The following TRPC3 variants were observed in gnomAD, a reference collection of about 807,000 sequenced individuals.
The protein encoded by TRPC3 is short transient receptor potential channel 3.
In TRPC3, 54 loss-of-function variants were observed where a neutral mutation model predicts 90.9. That is an observed-to-expected ratio of 0.59 (90% CI 0.48 to 0.75). The LOEUF is 0.75. Ranked by LOEUF, TRPC3 falls within the 30% of genes least tolerant of loss-of-function variation. TRPC3 has a pLI of 0.00. For missense variants in TRPC3, 918 were observed against 1,194.5 expected (o/e 0.77, Z 3.41); for synonymous variants, 424 against 450.9 (o/e 0.94, Z 0.75).
intron 6 of TRPC3, 151 bp from the exon 7 acceptor site, chr4:121,907,718 A>G (rs1728937310): frequency 1.2e-6 from 1 of 825,174 alleles, no homozygotes; most frequent in Non-Finnish European, 1.8e-6. Context: ...TCCAGGGACT[A>G]TTTTCATCTT....
Position 121,899,697 on chromosome 4 carries a change from T to C in TRPC3, c.2464-2A>G. On this transcript the variant is annotated splice_acceptor_variant, in intron 9 of 11. Coordinates refer to ENST00000379645, the MANE Select transcript of TRPC3 (RefSeq NM_001130698.2). LOFTEE classifies it high-confidence loss of function. Reference sequence around the variant, plus strand: ...GTTAGACTGAGTGAAGAGGTTTAACTAGGAAAAAATACAATTAACCTAGTA... The same window carrying C: ...GTTAGACTGAGTGAAGAGGTTTAACCAGGAAAAAATACAATTAACCTAGTA... The C allele has an allele frequency of 6.2e-7, 1 of 1,604,556 alleles. No homozygotes were observed. The highest frequency in any genetic ancestry group is 2.2e-5 in the East Asian group (1 of 44,708).
intron 11 of TRPC3, among the ~76,000 whole-genome samples, chr4:121,880,980 C>T (rs1727921795): frequency 6.6e-6 from 1 of 151,366 alleles, no homozygotes; most frequent in Admixed American, 6.6e-5. Context: ...AAAGTGCTTC[C>T]TTTGGCATAT....
rs1481783284 is a variant in TRPC3, at chr4:121,911,898, G to A, written c.1537C>T (p.Leu513=). Residue 513 remains leucine, a synonymous_variant, in exon 5 of 12, where the codon CTA becomes TTA. Coordinates refer to ENST00000379645, the MANE Select transcript of TRPC3 (RefSeq NM_001130698.2). The stretch of plus-strand genomic sequence containing the variant: ...TTACCAAGAACCCAGACCATAATTA[G>A]CATTTCAGTCCATGTAAACTGGGTG... ...KTTQFTWTEM[L]IMVWVLGMMW... 5 of 1,613,142 alleles carry A rather than the reference G, an allele frequency of 3.1e-6. No individual in the cohort carries two copies. Among genetic ancestry groups the A allele is most frequent in the Non-Finnish European group, 4.2e-6 (5 of 1,179,526 alleles).
intron 11 of TRPC3, 122 bp from the exon 12 acceptor site, chr4:121,880,000 A>G (rs1727887157): frequency 1.1e-6 from 1 of 892,130 alleles, no homozygotes; most frequent in Admixed American, 3.9e-5. Context: ...TAGCTACTTC[A>G]AAGTTTTTTC....
chr4:121,880,672 T>G (rs1254543589), intron 11 of TRPC3, among the ~76,000 whole-genome samples: 1 of 152,192 alleles, frequency 6.6e-6, no homozygotes, highest in Non-Finnish European at 1.5e-5. Context: ...AAACACTGGA[T>G]TCTCTTGCAA....
Position 121,902,916 on chromosome 4 carries a change from G to A in TRPC3, c.2399C>T (p.Pro800Leu). The stretch of plus-strand genomic sequence containing the variant: ...CTGAAGCCTTCTCCTTCTGCATTTG[G>A]GAAAGTTAACAATTCGCATGATGAA... ...VYFIMRIVNF[P>L]KCRRRRLQKD... Residue 800 changes from proline (P) to leucine (L), a missense_variant, in exon 9 of 12, where the codon CCC becomes CTC. Physicochemically the swap from Pro to Leu is moderately conservative, Grantham distance 98 (BLOSUM62 -3). Transcript: ENST00000379645. The A allele has an allele frequency of 6.2e-7, 1 of 1,613,224 alleles. No homozygotes were observed. The highest frequency in any genetic ancestry group is 1.1e-5 in the South Asian group (1 of 91,010).
At chr4:121,928,909 A>C (rs2149139304) in intron 2 of TRPC3, among the ~76,000 whole-genome samples, 1 of 152,342 alleles carries the variant, frequency 6.6e-6, no homozygotes, top group East Asian at 1.9e-4. Flanking sequence ...AAAAGAGGCA[A>C]GTTATCATAC....
intron 1 of TRPC3, among the ~76,000 whole-genome samples, chr4:121,934,009 A>T (rs1007011917): frequency 3.9e-5 from 6 of 152,214 alleles, no homozygotes; most frequent in Non-Finnish European, 8.8e-5. Context: ...AAATCACTAG[A>T]ATTACTTTGT....
chr4:121,921,384 TAG>T lies in TRPC3; in HGVS notation c.1176+3632_1176+3633del, dbSNP rs1252362905. 2.0e-3 allele frequency among the ~76,000 whole-genome samples: 298 copies of T among 150,026 alleles called. 2 individuals carry two copies. Among genetic ancestry groups the T allele is most frequent in the African/African-American group, 6.9e-3 (283 of 41,030 alleles). Reference sequence around the variant, plus strand: ...AAAAATACAAAAAATTAGCCGGGCGTAGTGGCGGGCGCCTGTAGTCCCAGCTA... The same window carrying T: ...AAAAATACAAAAAATTAGCCGGGCGTTGGCGGGCGCCTGTAGTCCCAGCTA... On this transcript the variant is annotated intron_variant, in intron 3 of 11. Coordinates refer to ENST00000379645, the MANE Select transcript of TRPC3 (RefSeq NM_001130698.2).
At chr4:121,904,881 T>C (rs1451057675) in intron 7 of TRPC3, among the ~76,000 whole-genome samples, 1 of 152,168 alleles carries the variant, frequency 6.6e-6, no homozygotes. Flanking sequence ...AGGTTTTCTG[T>C]AGTAGAACAG....
At chr4:121,917,406 A>G (rs1560704176) in intron 3 of TRPC3, among the ~76,000 whole-genome samples, 1 of 152,086 alleles carries the variant, frequency 6.6e-6, no homozygotes, top group Non-Finnish European at 1.5e-5. Flanking sequence ...CTCTCCCTCT[A>G]TGGTCCCTAA....
intron 5 of TRPC3, 72 bp from the exon 6 acceptor site, chr4:121,910,459 C>A: frequency 8.8e-7 from 1 of 1,130,150 alleles, no homozygotes; most frequent in African/African-American, 1.5e-5. Flanking sequence ...TTGTGTCCAC[C>A]ATCAGGTCAC....
chr4:121,908,161 C>T (rs992471525), intron 6 of TRPC3, among the ~76,000 whole-genome samples: 1 of 152,110 alleles, frequency 6.6e-6, no homozygotes, highest in Admixed American at 6.6e-5. Flanking sequence ...AGAATGAGGA[C>T]CCCTAACAAC....
At chr4:121,942,747 G>A (rs183937471) in intron 1 of TRPC3, among the ~76,000 whole-genome samples, 4 of 152,244 alleles carry the variant, frequency 2.6e-5, no homozygotes, top group Admixed American at 2.6e-4. Flanking sequence ...GTAGCTCTTT[G>A]CCAGATTCCT....
At position 121,894,454 on chromosome 4, in the gene TRPC3, A is replaced by C. The variant is rs185461063; in HGVS notation, c.2547+5158T>G. Among the ~76,000 whole-genome samples the C allele has an allele frequency of 1.4e-3, 215 of 152,200 alleles. 1 individual carries two copies. Among genetic ancestry groups the C allele is most frequent in the African/African-American group, 4.7e-3 (197 of 41,534 alleles). On this transcript the variant is annotated intron_variant, in intron 10 of 11. Transcript: ENST00000379645. ...AGCATTAGACAGATCATTCAGACAG[A>C]AAATCAACAAAAAACCATCAGATTT...
chr4:121,881,996 T>C (rs977640776), intron 11 of TRPC3, among the ~76,000 whole-genome samples: 2 of 152,152 alleles, frequency 1.3e-5, no homozygotes, highest in East Asian at 1.9e-4. Context: ...ACTGTTCTTT[T>C]ATCTGCTTAA....
rs1191558213 is a variant in TRPC3, at chr4:121,932,806, A to C, written c.452T>G (p.Leu151Arg). 3 of 1,610,418 alleles carry C rather than the reference A, an allele frequency of 1.9e-6. No individual in the cohort carries two copies. Among genetic ancestry groups the C allele is most frequent in the African/African-American group, 2.7e-5 (2 of 74,878 alleles). The stretch of plus-strand genomic sequence containing the variant: ...GTGCTCGTTGCCCACAGCCAGCTGC[A>C]GCGCGTTCTGGCCCATGTAGTCCAC... ...NCVDYMGQNA[L>R]QLAVGNEHLE... Residue 151 changes from leucine (L) to arginine (R), a missense_variant, in exon 2 of 12, where the codon CTG becomes CGG. Physicochemically the swap from Leu to Arg is moderately radical, Grantham distance 102. Around this residue, in one of 4 missense-constraint regions of TRPC3, gnomAD observed 609 missense variants for 725.9 expected, o/e 0.84. Coordinates refer to ENST00000379645, the MANE Select transcript of TRPC3 (RefSeq NM_001130698.2). The surrounding 1 kb of genome is among the most constrained non-coding windows in gnomAD (Gnocchi z 7.7).
intron 2 of TRPC3, among the ~76,000 whole-genome samples, chr4:121,929,872 T>C (rs1006790207): frequency 6.6e-6 from 1 of 152,132 alleles, no homozygotes; most frequent in East Asian, 1.9e-4. Context: ...AAAAAATTTT[T>C]TTTTTTAATT....
rs1368125060 is a variant in TRPC3, at chr4:121,923,461, T to C, written c.1176+1557A>G. The stretch of plus-strand genomic sequence containing the variant: ...GATTCAGTACAAGGGGCATGAAATC[T>C]GTCTTTGACGAGTGAGGATTAACTA... On this transcript the variant is annotated intron_variant, in intron 3 of 11. Coordinates refer to ENST00000379645, the MANE Select transcript of TRPC3 (RefSeq NM_001130698.2). 3.3e-5 allele frequency among the ~76,000 whole-genome samples: 5 copies of C among 152,210 alleles called. No individual in the cohort carries two copies. In the East Asian group the frequency reaches 9.6e-4, roughly 29 times the overall value.
Sources: gnomAD v4.1 joint callset for allele counts (sites outside exome capture counted in the v4.1 genomes callset) on GRCh38, gnomAD v4.1.1 for gene constraint, gnomAD v4.1.1 regional missense constraint, Gnocchi (gnomAD v3.1) non-coding constraint, MANE v1.5 for transcripts, NCBI Gene and HGNC (gene_info 2026-07-23, HGNC 2026-07-21) for gene names.